Variants in FYB2 observed in about 807,000 individuals in gnomAD.
The protein encoded by FYB2 is FYN binding protein 2.
FYB2 carries 103 observed loss-of-function variants against 94.1 expected under a neutral mutation model. That is an observed-to-expected ratio of 1.09 (90% CI 0.93 to 1.29). The LOEUF (loss-of-function observed/expected upper bound fraction) is 1.29, where lower values mean the gene tolerates loss of function less well. Ranked by LOEUF, FYB2 falls within the 50% of genes most tolerant of loss-of-function variation. The pLI, the probability that FYB2 is intolerant of heterozygous loss-of-function variation, is 0.00. For missense variants in FYB2, 896 were observed against 841.5 expected (o/e 1.06, Z -0.80); for synonymous variants, 293 against 287.9 (o/e 1.02, Z -0.18).
chr1:56,744,147 C>T lies in FYB2; in HGVS notation c.1502+5G>A. 1 of 1,611,946 alleles carries T rather than the reference C, an allele frequency of 6.2e-7. No individual in the cohort carries two copies. ...ATCTTGCTGAAAGACTGGAATGTTACTTACACCTCTTTCCTGGAGTACTCG... is the reference window on the plus strand; with the variant it reads ...ATCTTGCTGAAAGACTGGAATGTTATTTACACCTCTTTCCTGGAGTACTCG... On this transcript the variant is annotated splice_donor_5th_base_variant and intron_variant, in intron 10 of 19. Coordinates refer to ENST00000343433, the MANE Select transcript of FYB2 (RefSeq NM_001004303.5).
At chr1:56,749,867 G>A (rs58536770) in intron 9 of FYB2, among the ~76,000 whole-genome samples, 3,914 of 152,058 alleles carry the variant, frequency 0.026, 190 homozygotes, top group African/African-American at 0.089. Flanking sequence ...GGTTACTGCC[G>A]GCCTGTGGGT....
intron 15 of FYB2, among the ~76,000 whole-genome samples, chr1:56,735,295 CA>C (rs1287095242): frequency 6.6e-6 from 1 of 152,054 alleles, no homozygotes; most frequent in African/African-American, 2.4e-5. Flanking sequence ...AGAATGAAAT[CA>C]TGTCATTCAC....
intron 4 of FYB2, among the ~76,000 whole-genome samples, chr1:56,769,226 A>G (rs1036501633): frequency 2.0e-5 from 3 of 151,918 alleles, no homozygotes; most frequent in Non-Finnish European, 4.4e-5. Flanking sequence ...TGTTTGTAGA[A>G]AGGAAGCCTC....
At chr1:56,744,399 G>A (rs2100638129) in intron 9 of FYB2, 133 bp from the exon 10 acceptor site, 1 of 657,490 alleles carries the variant, frequency 1.5e-6, no homozygotes, top group Non-Finnish European at 2.6e-6. Flanking sequence ...TTACAGTCTT[G>A]GTATGTATGA....
rs569431444 is a variant in FYB2 at position 56,742,261 on chromosome 1, A to G, written c.1544-40T>C. On this transcript the variant is annotated intron_variant, in intron 11 of 19. Coordinates refer to ENST00000343433, the MANE Select transcript of FYB2 (RefSeq NM_001004303.5). ...AAACCCTACTTATATTCATTATAATAGCAATAGTTCAGATTCATATTTAAC... is the reference window on the plus strand; with the variant it reads ...AAACCCTACTTATATTCATTATAATGGCAATAGTTCAGATTCATATTTAAC... 41 of 1,440,686 alleles carry G rather than the reference A, an allele frequency of 2.8e-5. No individual in the cohort carries two copies. The South Asian group carries it at 4.9e-4, about 17-fold the overall frequency. 89.2% of individuals were successfully genotyped at this position (1,440,686 alleles called of 1,614,324 possible). A position where few individuals can be genotyped will look rare whatever the true frequency, so the allele number is the denominator to read the frequency against.
rs5774301 is a variant in FYB2, at chr1:56,726,950, G to GT, written c.1794-368dup. 4.4e-3 allele frequency among the ~76,000 whole-genome samples: 563 copies of GT among 128,222 alleles called. 1 individual carries two copies. The highest frequency in any genetic ancestry group is 6.9e-3 in the African/African-American group (266 of 38,588). 84.1% of individuals were successfully genotyped at this position (128,222 alleles called of 152,430 possible). ...CCTTTATGAGCCTCAGTTTTGTTTT[G>GT]TTTTTTTTTTTGCCTCTAAAATATG... On this transcript the variant is annotated intron_variant, in intron 15 of 19. Coordinates refer to ENST00000343433, the MANE Select transcript of FYB2 (RefSeq NM_001004303.5).
chr1:56,734,487 A>G (rs1644785526), intron 15 of FYB2, among the ~76,000 whole-genome samples: 1 of 152,154 alleles, frequency 6.6e-6, no homozygotes, highest in Admixed American at 6.5e-5. Context: ...GCAACCATAA[A>G]AAGGATGAGT....
intron 5 of FYB2, 97 bp downstream of exon 5, chr1:56,767,732 C>T (rs921250326): frequency 1.1e-6 from 1 of 900,390 alleles, no homozygotes; most frequent in Non-Finnish European, 1.8e-6. Context: ...GATGGCTGTG[C>T]ATTTTTAAAC....
chr1:56,785,457 G>T (rs765513721), intron 4 of FYB2, among the ~76,000 whole-genome samples: 1 of 152,076 alleles, frequency 6.6e-6, no homozygotes, highest in Admixed American at 6.6e-5. Context: ...ACATAAATAC[G>T]CATAGAACAC....
In FYB2 at chr1:56,740,706, T is replaced by C. The variant is rs775852084; in HGVS notation, c.1694A>G (p.Glu565Gly). 2 of 1,592,750 alleles carry C rather than the reference T, an allele frequency of 1.3e-6. No homozygotes were observed. Among genetic ancestry groups the C allele is most frequent in the South Asian group, 1.1e-5 (1 of 89,450 alleles). The change falls in exon 13 of 20, where the codon GAA becomes GGA. Residue 565 changes from glutamate to glycine, a missense_variant. Coordinates refer to ENST00000343433, the MANE Select transcript of FYB2 (RefSeq NM_001004303.5). ...RFKIKKTKSK[E>G]NLSAFSILLP... The stretch of plus-strand genomic sequence containing the variant: ...TAAAGGGACTTTTTACCTTAAGTTT[T>C]CTTTCGACTTGGTTTTCTTTATTTT...
rs1388489736 is a variant in FYB2, at chr1:56,718,828, T to C, written c.*843A>G. On this transcript the variant is annotated 3_prime_UTR_variant, in exon 20 of 20. Coordinates refer to ENST00000343433, the MANE Select transcript of FYB2 (RefSeq NM_001004303.5). The stretch of plus-strand genomic sequence containing the variant: ...ATGCATATGTAGAATTTATTTCTCT[T>C]ATTGACATGCAGTGCACCTCATTTA... The C allele has an allele frequency of 6.6e-6, 1 of 152,640 alleles. No homozygotes were observed. Among genetic ancestry groups the C allele is most frequent in the Non-Finnish European group, 1.5e-5 (1 of 68,030 alleles). The allele number at this position is 152,640 out of a possible 1,614,324, so 9.5% of individuals were successfully genotyped here.
Position 56,792,281 on chromosome 1 carries a change from T to G in FYB2, c.532A>C (p.Thr178Pro). 1.2e-6 allele frequency: 2 copies of G among 1,614,000 alleles called. No homozygotes were observed. Among genetic ancestry groups the G allele is most frequent in the East Asian group, 2.2e-5 (1 of 44,868 alleles). The change falls in exon 2 of 20, where the codon ACT becomes CCT. Residue 178 changes from threonine to proline, a missense_variant. Thr to Pro is a conservative substitution (Grantham distance 38). Coordinates refer to ENST00000343433, the MANE Select transcript of FYB2 (RefSeq NM_001004303.5). ...AGCTTTTTCCTGGGTTCCTCTGGAG[T>G]AAGCCCCATGCCTTTTTGCCCTTCC... is the stretch of plus-strand genomic sequence containing the variant. ...HLEGQKGMGL[T>P]PEEPRKKLET...
intron 1 of FYB2, among the ~76,000 whole-genome samples, chr1:56,816,410 G>T (rs1312489716): frequency 6.6e-6 from 1 of 152,188 alleles, no homozygotes; most frequent in Non-Finnish European, 1.5e-5. Flanking sequence ...GCTCAGGGCT[G>T]CAAGAGTAAG....
chr1:56,810,353 T>G (rs1185373844), intron 1 of FYB2, among the ~76,000 whole-genome samples: 6 of 151,952 alleles, frequency 3.9e-5, no homozygotes, highest in Admixed American at 3.9e-4. Flanking sequence ...TTGGCTCTAG[T>G]CATTCTGTGA....
chr1:56,729,345 T>C (rs771752452), intron 15 of FYB2, among the ~76,000 whole-genome samples: 7 of 151,996 alleles, frequency 4.6e-5, no homozygotes, highest in Non-Finnish European at 8.8e-5. Flanking sequence ...GTTTGAGTTA[T>C]TGGAAGAGAG....
At chr1:56,734,570 A>G (rs550792402) in intron 15 of FYB2, among the ~76,000 whole-genome samples, 12 of 152,154 alleles carry the variant, frequency 7.9e-5, no homozygotes, top group Non-Finnish European at 1.6e-4. Flanking sequence ...AGGATAGGAA[A>G]CCAAACACCG....
intron 5 of FYB2, among the ~76,000 whole-genome samples, chr1:56,763,166 T>C (rs1358422467): frequency 6.6e-6 from 1 of 152,220 alleles, no homozygotes; most frequent in African/African-American, 2.4e-5. Flanking sequence ...TATTTGCTAA[T>C]ATTTTGTTGA....
At chr1:56,742,118 A>G (rs927427540) in intron 12 of FYB2, 43 bp downstream of exon 12, 5 of 1,543,580 alleles carry the variant, frequency 3.2e-6, no homozygotes, top group Non-Finnish European at 3.6e-6. Context: ...CTAGACTAAC[A>G]GGAAGTCATT....
intron 1 of FYB2, among the ~76,000 whole-genome samples, chr1:56,793,865 G>A (rs34485326): frequency 0.21 from 31,722 of 151,532 alleles, 3,658 homozygotes; most frequent in East Asian, 0.32. Context: ...ATGGTATGGA[G>A]AAAAGAACAA....
Sources: allele counts gnomAD v4.1 joint callset (sites outside exome capture counted in the v4.1 genomes callset), GRCh38; gene constraint gnomAD v4.1.1; transcripts MANE v1.5; gene names NCBI Gene and HGNC (gene_info 2026-07-23, HGNC 2026-07-21).